SLC25A30: variants seen among roughly 807,000 people sequenced by gnomAD.
SLC25A30 encodes kidney mitochondrial carrier protein 1.
In SLC25A30, 29 loss-of-function variants were observed where a neutral mutation model predicts 42.7. The observed-to-expected ratio is 0.68, with a 90% confidence interval of 0.51 to 0.93. SLC25A30 has a LOEUF of 0.93. SLC25A30 is among the 40% of genes least tolerant of loss of function. SLC25A30 has a pLI of 0.00. For missense variants in SLC25A30, 300 were observed against 359.7 expected, an observed-to-expected ratio of 0.83 and a Z score of 1.34; for synonymous variants, 124 against 131.0, an observed-to-expected ratio of 0.95 and a Z score of 0.37.
chr13:45,409,097 A>T (rs762890684), intron 2 of SLC25A30, 23 bp from the exon 3 acceptor site: 2 of 1,567,584 alleles, frequency 1.3e-6, no homozygotes, highest in Non-Finnish European at 1.7e-6. Flanking sequence ...AAAGAAATTC[A>T]CTTAATAAAA....
At chr13:45,396,500 G>A (rs752766091) in intron 9 of SLC25A30, 7 of 333,826 alleles carry the variant, frequency 2.1e-5, no homozygotes, top group African/African-American at 4.4e-5. Context: ...CCTCACGGGC[G>A]CGGTGGCTCA....
At chr13:45,421,160 C>G (rs910097642), upstream of SLC25A30, among the ~76,000 whole-genome samples, 1 of 152,002 alleles carries the variant, frequency 6.6e-6, no homozygotes, top group African/African-American at 2.4e-5. Flanking sequence ...AGGTGGATCA[C>G]CTGAGGTCAG....
At chr13:45,431,976 A>G in the SLC25A30 span, among the ~76,000 whole-genome samples, 3 of 152,014 alleles carry the variant, frequency 2.0e-5, no homozygotes, top group African/African-American at 7.2e-5. Flanking sequence ...CTGCCTTTAA[A>G]ATACATCTCA....
chr13:45,418,735 G>A (rs1285253611), upstream of SLC25A30: 1 of 151,994 alleles, frequency 6.6e-6, no homozygotes, highest in Non-Finnish European at 1.5e-5. Context: ...ACAGTTGGAT[G>A]GAAGTAAACT....
At position 45,405,898 on chromosome 13, in the gene SLC25A30, T is replaced by C. The variant is rs755046418; in HGVS notation, c.292A>G (p.Ile98Val). The part of the protein sequence containing the change: ...GTYQSLKRLF[I>V]ERPEDETLPI... ...CCCCACTCACCTTCTGGGCGTTCAA[T>C]GAATAGTCGCTTCAAGCTCTGGTAA... The change falls in exon 4 of 10, where the codon ATT becomes GTT. Residue 98 changes from isoleucine to valine, a missense_variant. Ile to Val is a conservative substitution (Grantham distance 29, BLOSUM62 3). Coordinates refer to ENST00000519676, the MANE Select transcript of SLC25A30 (RefSeq NM_001010875.4). 1 of 1,614,144 alleles carries C rather than the reference T, an allele frequency of 6.2e-7. No homozygotes were observed. Among genetic ancestry groups the C allele is most frequent in the East Asian group, 2.2e-5 (1 of 44,878 alleles).
intron 4 of SLC25A30, 102 bp downstream of exon 4, chr13:45,405,780 GA>G: frequency 1.0e-6 from 1 of 1,003,774 alleles, no homozygotes; most frequent in Non-Finnish European, 1.5e-6. Context: ...GTAGCAGTAG[GA>G]AAGTCACAAA....
rs761623033 is a variant in SLC25A30, at chr13:45,396,010, A to G, written c.840T>C (p.Phe280=). 1.4e-5 allele frequency: 22 copies of G among 1,614,084 alleles called. No individual in the cohort carries two copies. The Admixed American group carries it at 1.8e-4, about 13-fold the overall frequency. Residue 280 remains phenylalanine, a synonymous_variant, in exon 10 of 10, where the codon TTT becomes TTC. Coordinates refer to ENST00000519676, the MANE Select transcript of SLC25A30 (RefSeq NM_001010875.4). The stretch of plus-strand genomic sequence containing the variant: ...ATTTCTTCAACTGCTCGTATGTCAC[A>G]AAGAACTGTGGTTATGGGTTAAGGA... ...LRLGPWNIIF[F]VTYEQLKKLD... is the part of the protein sequence containing the mutation.
rs1881218557 is a variant in SLC25A30, at chr13:45,395,221, T to C, written c.*753A>G. 2.0e-6 allele frequency: 2 copies of C among 984,952 alleles called. No individual in the cohort carries two copies. Among genetic ancestry groups the C allele is most frequent in the African/African-American group, 1.7e-5 (1 of 57,220 alleles). The allele number at this position is 984,952 out of a possible 1,614,324, so 61.0% of individuals were successfully genotyped here. The stretch of plus-strand genomic sequence containing the variant: ...TATGCTTTGCTAAAAATCATAAAGC[T>C]AATTACTAACATGACCTAAGACAGA... On this transcript the variant is annotated 3_prime_UTR_variant, in exon 10 of 10. Transcript: ENST00000519676.
intron 3 of SLC25A30, among the ~76,000 whole-genome samples, chr13:45,406,543 C>A (rs536489031): frequency 2.0e-5 from 3 of 152,120 alleles, no homozygotes; most frequent in Non-Finnish European, 4.4e-5. Flanking sequence ...TTCCTCCATC[C>A]GATATGCCTG....
At chr13:45,414,619 AACACACACACACACATACACACACAC>A (rs1422394602) in intron 1 of SLC25A30, among the ~76,000 whole-genome samples, 5 of 110,412 alleles carry the variant, frequency 4.5e-5, no homozygotes, top group South Asian at 3.2e-4. Flanking sequence ...CTTTGTCTCA[AACACACACACACACATACACACACAC>A]ACACACACAC....
the SLC25A30 span, among the ~76,000 whole-genome samples, chr13:45,428,271 C>T: frequency 6.6e-6 from 1 of 151,138 alleles, no homozygotes; most frequent in Non-Finnish European, 1.5e-5. Context: ...TGCAGTGGTG[C>T]AATCTCGGCT....
upstream of SLC25A30, among the ~76,000 whole-genome samples, chr13:45,423,043 C>A (rs1374902656): frequency 6.6e-6 from 1 of 152,082 alleles, no homozygotes; most frequent in African/African-American, 2.4e-5. Context: ...ACAGTCTTCC[C>A]ATGAAACAGT....
At chr13:45,425,159 A>C in the SLC25A30 span, among the ~76,000 whole-genome samples, 1 of 88,022 alleles carries the variant, frequency 1.1e-5, no homozygotes, top group African/African-American at 4.6e-5. Context: ...TATATTGATA[A>C]ATATATATAA....
In SLC25A30 at chr13:45,405,877, A is replaced by G. The variant is rs1314617746; in HGVS notation, c.307+6T>C. 2.5e-6 allele frequency: 4 copies of G among 1,613,628 alleles called. No individual in the cohort carries two copies. In the African/African-American group the frequency reaches 5.3e-5, roughly 22 times the overall value. On this transcript the variant is annotated splice_donor_region_variant and intron_variant, in intron 4 of 9. Coordinates refer to ENST00000519676, the MANE Select transcript of SLC25A30 (RefSeq NM_001010875.4). ...GTCCACAGTGGAAAACAGATTCCCC[A>G]CTCACCTTCTGGGCGTTCAATGAAT...
At chr13:45,426,624 T>C in the SLC25A30 span, among the ~76,000 whole-genome samples, 5 of 152,080 alleles carry the variant, frequency 3.3e-5, no homozygotes, top group African/African-American at 9.7e-5. Flanking sequence ...AAAGGGGAAA[T>C]GGCACAGCCT....
chr13:45,423,669 A>AAATATATATAAAATATATATAAAAAT, the SLC25A30 span, among the ~76,000 whole-genome samples: 2,803 of 23,920 alleles, frequency 0.12, 225 homozygotes, highest in African/African-American at 0.18. Flanking sequence ...ATATATATAA[A>AAATATATATAAAATATATATAAAAAT]ATACATATTT....
At chr13:45,401,670 A>T (rs548317383) in intron 6 of SLC25A30, among the ~76,000 whole-genome samples, 85 of 148,458 alleles carry the variant, frequency 5.7e-4, no homozygotes, top group African/African-American at 1.0e-3. Flanking sequence ...TAAGAATTTA[A>T]AAAAAAAAAA....
upstream of SLC25A30, chr13:45,418,498 C>T (rs1883741369): frequency 6.6e-6 from 1 of 152,622 alleles, no homozygotes; most frequent in African/African-American, 2.4e-5. Flanking sequence ...ACTAGCCACA[C>T]CCCTGACAGC....
At chr13:45,424,388 T>A in the SLC25A30 span, among the ~76,000 whole-genome samples, 1 of 71,724 alleles carries the variant, frequency 1.4e-5, no homozygotes, top group Admixed American at 2.7e-4. Flanking sequence ...TATAGATATA[T>A]AAATATATAA....
Sources: allele counts gnomAD v4.1 joint callset (sites outside exome capture counted in the v4.1 genomes callset), GRCh38; gene constraint gnomAD v4.1.1; transcripts MANE v1.5; gene names NCBI Gene and HGNC (gene_info 2026-07-23, HGNC 2026-07-21).